Variants in EIF2AK1 observed in about 807,000 individuals in gnomAD.
The protein encoded by EIF2AK1 is eukaryotic translation initiation factor 2 alpha kinase 1, also known as eukaryotic translation initiation factor 2-alpha kinase 1.
Under a neutral mutation model 77.9 loss-of-function variants are expected in EIF2AK1, and 54 were observed. The observed-to-expected ratio is 0.69, with a 90% CI of 0.56 to 0.87. EIF2AK1 has a LOEUF of 0.87. EIF2AK1 is among the 40% of genes least tolerant of loss of function. The pLI, the probability that EIF2AK1 is intolerant of heterozygous loss-of-function variation, is 0.00. For missense variants in EIF2AK1, 810 were observed against 768.6 expected (o/e 1.05, Z -0.64); for synonymous variants, 314 against 290.5 (o/e 1.08, Z -0.82).
At chr7:6,044,728 T>G in intron 6 of EIF2AK1, 67 bp from the exon 7 acceptor site, 1 of 1,395,770 alleles carries the variant, frequency 7.2e-7, no homozygotes. Flanking sequence ...GCAATACTTC[T>G]TGTTCCAGAG....
chr7:6,025,070 C>G (rs1310589523), intron 14 of EIF2AK1, among the ~76,000 whole-genome samples: 1 of 152,068 alleles, frequency 6.6e-6, no homozygotes, highest in Non-Finnish European at 1.5e-5. Flanking sequence ...AACTCCTTAC[C>G]TCAAGTGACC....
At chr7:6,050,225 AT>A (rs149665123) in intron 2 of EIF2AK1, among the ~76,000 whole-genome samples, 180 bp from the exon 3 acceptor site, 14,801 of 151,822 alleles carry the variant, frequency 0.097, 958 homozygotes, top group African/African-American at 0.18. Flanking sequence ...CGTAAAAGAA[AT>A]TTTTTTTTGA....
chr7:6,049,683 G>A (rs955411288), intron 3 of EIF2AK1: 3 of 370,194 alleles, frequency 8.1e-6, no homozygotes, highest in Admixed American at 4.8e-5. Flanking sequence ...CTGGAGTGCA[G>A]TGGCACAACC....
chr7:6,041,216 C>CT lies in EIF2AK1; in HGVS notation c.794dup (p.Gln266AlafsTer5). On this transcript the variant is annotated frameshift_variant, in exon 9 of 15. Transcript: ENST00000199389. LOFTEE classifies it high-confidence loss of function. ...TTTCATCATTTTTAACACCACATTG[C>CT]TCTCTGAAAAAAAAAAAAATAGTAA... The CT allele has an allele frequency of 6.5e-7, 1 of 1,538,782 alleles. No homozygotes were observed. The highest frequency in any genetic ancestry group is 1.2e-5 in the South Asian group (1 of 85,026).
chr7:6,049,621 T>G (rs906519801), intron 3 of EIF2AK1, among the ~76,000 whole-genome samples: 1 of 141,630 alleles, frequency 7.1e-6, no homozygotes, highest in African/African-American at 2.7e-5. Context: ...CCTTTGCCTC[T>G]CCTCTCTTTT....
intron 13 of EIF2AK1, among the ~76,000 whole-genome samples, chr7:6,028,364 G>A (rs1056451419): frequency 1.3e-5 from 2 of 151,680 alleles, no homozygotes; most frequent in Non-Finnish European, 2.9e-5. Flanking sequence ...TGATTCTCAT[G>A]CCTCAGCCTC....
At position 6,032,419 on chromosome 7, in the gene EIF2AK1, C is replaced by T. The variant is rs1163523329; in HGVS notation, c.1333-3387G>A. Among the ~76,000 whole-genome samples, 1 of 152,078 alleles carries T rather than the reference C, an allele frequency of 6.6e-6. No individual in the cohort carries two copies. Among genetic ancestry groups the T allele is most frequent in the African/African-American group, 2.4e-5 (1 of 41,394 alleles). On this transcript the variant is annotated intron_variant, in intron 11 of 14. Transcript: ENST00000199389. The surrounding 1 kb of genome is among the most constrained non-coding windows in gnomAD (Gnocchi z 4.3). ...CATATGCTGCGTTATATTTGAAAAC[C>T]CTGAAGATTCAGGTTTTACTGCTGA...
intron 14 of EIF2AK1, 40 bp downstream of exon 14, chr7:6,026,688 C>G: frequency 1.3e-6 from 2 of 1,561,272 alleles, no homozygotes; most frequent in South Asian, 1.1e-5. Flanking sequence ...GCAATAAAAA[C>G]CACCTTCACT....
At chr7:6,040,571 C>T (rs1788266834) in intron 9 of EIF2AK1, among the ~76,000 whole-genome samples, 2 of 152,268 alleles carry the variant, frequency 1.3e-5, no homozygotes, top group Middle Eastern at 6.8e-3. Flanking sequence ...AATCGTTTTG[C>T]ATAAATATAT....
intron 11 of EIF2AK1, among the ~76,000 whole-genome samples, chr7:6,030,779 G>A (rs1030542635): frequency 1.3e-5 from 2 of 152,158 alleles, no homozygotes; most frequent in Non-Finnish European, 2.9e-5. Context: ...TTACAGGCAT[G>A]AGCGACCGCA....
intron 14 of EIF2AK1, 40 bp downstream of exon 14, chr7:6,026,686 AAC>A (rs1787756541): frequency 6.4e-7 from 1 of 1,557,920 alleles, no homozygotes; most frequent in African/African-American, 1.4e-5. Context: ...AGGCAATAAA[AAC>A]CACCTTCACT....
In EIF2AK1 at chr7:6,048,806, C is replaced by T. The variant is rs1365806453; in HGVS notation, c.449+1G>A. On this transcript the variant is annotated splice_donor_variant, in intron 4 of 14. Coordinates refer to ENST00000199389, the MANE Select transcript of EIF2AK1 (RefSeq NM_014413.4). LOFTEE classifies it high-confidence loss of function. ...TAATCAAGAAAGTTTTTCACACATACCTGATTTTCTGGATACGAGAAATAT... is the reference window on the plus strand; with the variant it reads ...TAATCAAGAAAGTTTTTCACACATATCTGATTTTCTGGATACGAGAAATAT... The T allele has an allele frequency of 6.3e-6, 10 of 1,585,264 alleles. No individual in the cohort carries two copies. Among genetic ancestry groups the T allele is most frequent in the Non-Finnish European group, 7.7e-6 (9 of 1,171,388 alleles).
At chr7:6,024,865 G>A in intron 14 of EIF2AK1, 64 bp from the exon 15 acceptor site, 3 of 1,203,858 alleles carry the variant, frequency 2.5e-6, no homozygotes, top group African/African-American at 1.7e-5. Context: ...TTGAGACAGA[G>A]TCTCGCTCTG....
rs1006912603 is a variant in EIF2AK1 at position 6,027,324 on chromosome 7, G to A, written c.1531-363C>T. The stretch of plus-strand genomic sequence containing the variant: ...GCGGGGGAGCCACAGAAGGTCGCGG[G>A]TTCTCCTCCGGTCTCACCTCTGCCT... On this transcript the variant is annotated intron_variant, in intron 13 of 14. Transcript: ENST00000199389. The surrounding 1 kb of genome is among the most constrained non-coding windows in gnomAD (Gnocchi z 4.5). Among the ~76,000 whole-genome samples the A allele has an allele frequency of 6.6e-6, 1 of 152,152 alleles. No homozygotes were observed. Among genetic ancestry groups the A allele is most frequent in the Non-Finnish European group, 1.5e-5 (1 of 68,024 alleles).
rs745778083 is a variant in EIF2AK1, at chr7:6,036,846, C to T, written c.1332+578G>A. Among the ~76,000 whole-genome samples the T allele has an allele frequency of 2.6e-5, 4 of 151,852 alleles. No homozygotes were observed. The highest frequency in any genetic ancestry group is 5.9e-5 in the Non-Finnish European group (4 of 67,968). Reference sequence around the variant, plus strand: ...TGTCAGCACTAAATACATTTAGCACCCCTGATTATAGCAGTACTCAGAGCA... The same window carrying T: ...TGTCAGCACTAAATACATTTAGCACTCCTGATTATAGCAGTACTCAGAGCA... On this transcript the variant is annotated intron_variant, in intron 11 of 14. Transcript: ENST00000199389. This position sits in a 1 kb window ranked among gnomAD's most constrained non-coding sequence, Gnocchi z 4.6.
chr7:6,055,676 T>TAAAAAAA (rs34819894), intron 1 of EIF2AK1, among the ~76,000 whole-genome samples: 1 of 116,254 alleles, frequency 8.6e-6, no homozygotes. Flanking sequence ...ACTAAACAGG[T>TAAAAAAA]AAAAAAAAAA....
intron 14 of EIF2AK1, 149 bp downstream of exon 14, chr7:6,026,579 T>C: frequency 1.4e-6 from 1 of 731,860 alleles, no homozygotes; most frequent in Non-Finnish European, 2.5e-6. Flanking sequence ...TGCCAGGAAG[T>C]GGACGAGAAC....
intron 11 of EIF2AK1, among the ~76,000 whole-genome samples, chr7:6,034,269 C>T (rs1417313817): frequency 1.3e-5 from 2 of 151,874 alleles, no homozygotes; most frequent in African/African-American, 4.8e-5. Flanking sequence ...ATCACGCCAC[C>T]ACACTCCAGC....
rs537307682 is a variant in EIF2AK1, at chr7:6,033,671, G to A, written c.1332+3753C>T. Among the ~76,000 whole-genome samples the A allele has an allele frequency of 2.0e-5, 3 of 151,008 alleles. No homozygotes were observed. The highest frequency in any genetic ancestry group is 4.5e-5 in the Non-Finnish European group (3 of 67,282). On this transcript the variant is annotated intron_variant, in intron 11 of 14. Coordinates refer to ENST00000199389, the MANE Select transcript of EIF2AK1 (RefSeq NM_014413.4). The surrounding 1 kb of genome is among the most constrained non-coding windows in gnomAD (Gnocchi z 4.4). The stretch of plus-strand genomic sequence containing the variant: ...AGTGGCACCATTCTCCTGGGTTCAC[G>A]CCATTCTCCTGCCTCAGCCTCCCAA...
Sources: gnomAD v4.1 joint callset for allele counts (sites outside exome capture counted in the v4.1 genomes callset) on GRCh38, gnomAD v4.1.1 for gene constraint, Gnocchi (gnomAD v3.1) non-coding constraint, MANE v1.5 for transcripts, NCBI Gene and HGNC (gene_info 2026-07-23, HGNC 2026-07-21) for gene names.